SLC45A4: variants seen among roughly 807,000 people sequenced by gnomAD.
The protein encoded by SLC45A4 is solute carrier family 45 member 4.
Under a neutral mutation model 63.7 loss-of-function variants are expected in SLC45A4, and 32 were observed. The observed-to-expected ratio is 0.50, with a 90% CI of 0.38 to 0.67. The LOEUF (loss-of-function observed/expected upper bound fraction) is 0.67. SLC45A4 is among the 30% of genes least tolerant of loss of function. SLC45A4 has a pLI of 0.00. For missense variants in SLC45A4, 1,027 were observed against 1,157.7 expected, an observed-to-expected ratio of 0.89 and a Z score of 1.64; for synonymous variants, 535 against 510.0, an observed-to-expected ratio of 1.05 and a Z score of -0.66.
chr8:141,275,564 T>C (rs1829697160), intron 1 of SLC45A4, among the ~76,000 whole-genome samples: 1 of 150,942 alleles, frequency 6.6e-6, no homozygotes, highest in Non-Finnish European at 1.5e-5. Context: ...CACCTGTGAA[T>C]AGGTGGCGTG....
intron 1 of SLC45A4, among the ~76,000 whole-genome samples, chr8:141,265,252 GTGGTGCATATTTCC>G (rs1829218410): frequency 1.3e-5 from 2 of 152,222 alleles, no homozygotes; most frequent in African/African-American, 4.8e-5. Context: ...AAGGGCCCAT[GTGGTGCATATTTCC>G]TGAACACGAA....
intron 2 of SLC45A4, among the ~76,000 whole-genome samples, chr8:141,244,525 G>A (rs1022189395): frequency 1.3e-5 from 2 of 152,172 alleles, no homozygotes; most frequent in African/African-American, 4.8e-5. Flanking sequence ...GCAACCTTCA[G>A]GAACAACGGG....
intron 2 of SLC45A4, among the ~76,000 whole-genome samples, chr8:141,247,008 G>A (rs934641083): frequency 1.3e-5 from 2 of 151,878 alleles, no homozygotes; most frequent in Non-Finnish European, 2.9e-5. Context: ...GTAAGCAGAA[G>A]AAAACAAAAT....
At position 141,227,958 on chromosome 8, in the gene SLC45A4, C is replaced by A. The variant is rs138149908; in HGVS notation, c.242-6193G>T. 3.9e-5 allele frequency among the ~76,000 whole-genome samples: 6 copies of A among 152,214 alleles called. No individual in the cohort carries two copies. Among genetic ancestry groups the A allele is most frequent in the Non-Finnish European group, 8.8e-5 (6 of 68,016 alleles). On this transcript the variant is annotated intron_variant, in intron 2 of 8. Coordinates refer to ENST00000517878, the MANE Select transcript of SLC45A4 (RefSeq NM_001286646.2). The surrounding 1 kb of genome is among the most constrained non-coding windows in gnomAD (Gnocchi z 4.4). ...GTGGGAGAATCTGGCATTGAAGGGC[C>A]GGGGACAATAAGTTCCCGGGCTTTG...
rs1423124424 is a variant in SLC45A4, at chr8:141,215,867, A to C, written c.1833T>G (p.Phe611Leu). 1 of 1,614,138 alleles carries C rather than the reference A, an allele frequency of 6.2e-7. No homozygotes were observed. The highest frequency in any genetic ancestry group is 2.2e-5 in the East Asian group (1 of 44,878). ...TGACCATGGCGACGTAGACGTTGGG[A>C]AACATGGCCATCACGGCTGTGCCGA... ...FSVGTAVMAM[F>L]PNVYVAMVTI... Residue 611 changes from phenylalanine (F) to leucine (L), a missense_variant, in exon 7 of 9, where the codon TTT becomes TTG. Transcript: ENST00000517878. The surrounding 1 kb of genome is among the most constrained non-coding windows in gnomAD (Gnocchi z 4.3).
At position 141,278,512 on chromosome 8, in the gene SLC45A4, C is replaced by T. The variant is rs184907545; in HGVS notation, c.-400-23883G>A. Among the ~76,000 whole-genome samples, 7 of 149,744 alleles carry T rather than the reference C, an allele frequency of 4.7e-5. No individual in the cohort carries two copies. The East Asian group carries it at 1.4e-3, about 30-fold the overall frequency. On this transcript the variant is annotated intron_variant, in intron 1 of 8. Coordinates refer to ENST00000517878, the MANE Select transcript of SLC45A4 (RefSeq NM_001286646.2). The surrounding 1 kb of genome is among the most constrained non-coding windows in gnomAD (Gnocchi z 4.1). ...GTGAGCACCTGTGGTGGAGGCGGGG[C>T]GGGCGGCCGACCCACGAGGACACTG...
chr8:141,288,799 G>A (rs1015370174), intron 1 of SLC45A4, among the ~76,000 whole-genome samples: 1 of 152,260 alleles, frequency 6.6e-6, no homozygotes, highest in Admixed American at 6.5e-5. Flanking sequence ...CCACTGCTGG[G>A]TTGGGAAAGA....
At chr8:141,273,048 G>A (rs1465584105) in intron 1 of SLC45A4, among the ~76,000 whole-genome samples, 3 of 152,302 alleles carry the variant, frequency 2.0e-5, no homozygotes, top group East Asian at 3.9e-4. Flanking sequence ...TGCAGTGTCC[G>A]ACACGTAGCA....
intron 1 of SLC45A4, among the ~76,000 whole-genome samples, chr8:141,259,416 T>A (rs1279814168): frequency 6.6e-6 from 1 of 152,176 alleles, no homozygotes; most frequent in East Asian, 1.9e-4. Flanking sequence ...GGTCGAGGGA[T>A]CACCCTTCGG....
chr8:141,255,146 G>A (rs971084174), intron 1 of SLC45A4, among the ~76,000 whole-genome samples: 6 of 152,174 alleles, frequency 3.9e-5, no homozygotes, highest in African/African-American at 9.7e-5. Flanking sequence ...AGGCTGGAGT[G>A]CGGTCACACG....
At chr8:141,283,603 C>T (rs1338492694) in intron 1 of SLC45A4, among the ~76,000 whole-genome samples, 2 of 152,260 alleles carry the variant, frequency 1.3e-5, no homozygotes, top group Admixed American at 6.5e-5. Flanking sequence ...AAGGGCACCA[C>T]CGGGCTGTGG....
intron 2 of SLC45A4, among the ~76,000 whole-genome samples, chr8:141,244,107 G>A (rs1251644821): frequency 6.6e-6 from 1 of 152,106 alleles, no homozygotes; most frequent in Admixed American, 6.6e-5. Flanking sequence ...CGGCTACTTG[G>A]GAGACTGCGC....
intron 1 of SLC45A4, among the ~76,000 whole-genome samples, chr8:141,306,794 T>C (rs1830909525): frequency 6.6e-6 from 1 of 152,182 alleles, no homozygotes; most frequent in Admixed American, 6.5e-5. Context: ...ATGCAGTGGC[T>C]TTTCCCCAGC....
intron 1 of SLC45A4, among the ~76,000 whole-genome samples, chr8:141,272,009 A>C (rs749054839): frequency 2.0e-5 from 3 of 151,962 alleles, no homozygotes; most frequent in Non-Finnish European, 4.4e-5. Flanking sequence ...TGCATGCAAC[A>C]CACACCTGCG....
chr8:141,296,588 C>A (rs916459564), intron 1 of SLC45A4, among the ~76,000 whole-genome samples: 2 of 147,412 alleles, frequency 1.4e-5, no homozygotes, highest in African/African-American at 5.0e-5. Flanking sequence ...GTAATCCTAG[C>A]ACTTTGGGAG....
At chr8:141,292,206 G>A (rs1367475959) in intron 1 of SLC45A4, among the ~76,000 whole-genome samples, 2 of 152,230 alleles carry the variant, frequency 1.3e-5, no homozygotes, top group African/African-American at 2.4e-5. Flanking sequence ...AGGAGAAAAC[G>A]GCTCACACTC....
At chr8:141,250,230 C>T (rs897393052) in intron 2 of SLC45A4, among the ~76,000 whole-genome samples, 3 of 152,214 alleles carry the variant, frequency 2.0e-5, no homozygotes, top group East Asian at 3.8e-4. Flanking sequence ...CAACTTCACA[C>T]TAACGTGAAA....
At chr8:141,217,791 G>A (rs1826255461) in intron 5 of SLC45A4, among the ~76,000 whole-genome samples, 1 of 152,196 alleles carries the variant, frequency 6.6e-6, no homozygotes, top group African/African-American at 2.4e-5. Flanking sequence ...GGGCCTCACT[G>A]CAACCCACCC....
intron 2 of SLC45A4, among the ~76,000 whole-genome samples, chr8:141,239,402 T>C (rs1252900644): frequency 2.6e-5 from 4 of 152,132 alleles, no homozygotes; most frequent in Non-Finnish European, 5.9e-5. Flanking sequence ...ACTGCAGAAG[T>C]GCACTATTAA....
Sources: allele counts gnomAD v4.1 joint callset (sites outside exome capture counted in the v4.1 genomes callset), GRCh38; gene constraint gnomAD v4.1.1; non-coding constraint Gnocchi (gnomAD v3.1); transcripts MANE v1.5; gene names NCBI Gene and HGNC (gene_info 2026-07-23, HGNC 2026-07-21).